Variants in SIVA1 observed in about 807,000 individuals in gnomAD.
The protein encoded by SIVA1 is SIVA1 apoptosis inducing factor.
In SIVA1, 10 loss-of-function variants were observed where a neutral mutation model predicts 19.7. That is an observed-to-expected ratio of 0.51 (90% CI 0.31 to 0.86). The LOEUF (loss-of-function observed/expected upper bound fraction) is 0.86. Among genes scored for constraint, SIVA1 ranks in the 40% least tolerant of loss-of-function variants. The probability of loss-of-function intolerance (pLI) is 0.04; values close to 1 mark genes in which losing one functional copy is unlikely to be tolerated. For synonymous variants in SIVA1, 130 were observed against 106.1 expected (o/e 1.23, Z -1.39); for missense variants, 241 against 245.2 (o/e 0.98, Z 0.11).
intron 1 of SIVA1, among the ~76,000 whole-genome samples, chr14:104,754,401 G>A (rs1260369944): frequency 1.3e-5 from 2 of 152,210 alleles, no homozygotes; most frequent in African/African-American, 4.8e-5. Flanking sequence ...GAGGTAAGGG[G>A]AATGATGCCG....
intron 3 of SIVA1, chr14:104,757,570 A>G (rs1048194568): frequency 6.1e-6 from 1 of 162,940 alleles, no homozygotes; most frequent in Admixed American, 6.3e-5. Flanking sequence ...ATCGGCTCCC[A>G]TGGCTTCAGC....
intron 2 of SIVA1, chr14:104,756,159 CTG>C (rs1414457965): frequency 2.1e-6 from 1 of 471,118 alleles, no homozygotes; most frequent in Non-Finnish European, 3.9e-6. Context: ...AGAGCATCAC[CTG>C]TGTTGCTGGT....
At chr14:104,758,766 C>T (rs1447691259) in intron 3 of SIVA1, 1 of 152,304 alleles carries the variant, frequency 6.6e-6, no homozygotes, top group African/African-American at 2.4e-5. Flanking sequence ...CTGAGGTAAG[C>T]CACACCATAC....
At position 104,759,610 on chromosome 14, in the gene SIVA1, T is replaced by A. The variant is rs572913554; in HGVS notation, c.*125T>A. The stretch of plus-strand genomic sequence containing the variant: ...GGAGGGGTGCCTTTTACATGTTCTA[T>A]TTTGTATCCTAATGACAGAATGAAT... On this transcript the variant is annotated 3_prime_UTR_variant, in exon 4 of 4. Transcript: ENST00000329967. This position sits in a 1 kb window ranked among gnomAD's most constrained non-coding sequence, Gnocchi z 4.2. 1.0e-5 allele frequency: 7 copies of A among 668,348 alleles called. No homozygotes were observed. Among genetic ancestry groups the A allele is most frequent in the Non-Finnish European group, 1.8e-5 (7 of 385,538 alleles). The allele number at this position is 668,348 out of a possible 1,614,324, so 41.4% of individuals were successfully genotyped here. A position where few individuals can be genotyped will look rare whatever the true frequency, so the allele number is the denominator to read the frequency against.
chr14:104,756,117 G>T, intron 2 of SIVA1: 1 of 552,914 alleles, frequency 1.8e-6, no homozygotes, highest in South Asian at 1.8e-5. Flanking sequence ...CTGGAAACAT[G>T]CCAGTCCCAT....
chr14:104,753,816 C>T (rs1891791963), intron 1 of SIVA1: 1 of 452,662 alleles, frequency 2.2e-6, no homozygotes, highest in Admixed American at 2.4e-5. Context: ...TGTGCCCCGT[C>T]TCCCGGGAGC....
Position 104,756,710 on chromosome 14 carries a change from C to T in SIVA1, c.420C>T (p.Arg140=), listed in dbSNP as rs770802541. 5.6e-6 allele frequency: 9 copies of T among 1,614,098 alleles called. No individual in the cohort carries two copies. Among genetic ancestry groups the T allele is most frequent in the East Asian group, 2.2e-5 (1 of 44,880 alleles). ...GAGCCCTGTGCGGGCAGTGTGTGCGCACCTGCTGGGGCTGCGGCTCCGTGG... is the reference window on the plus strand; with the variant it reads ...GAGCCCTGTGCGGGCAGTGTGTGCGTACCTGCTGGGGCTGCGGCTCCGTGG... ...CERALCGQCV[R]TCWGCGSVAC... The change falls in exon 3 of 4, where the codon CGC becomes CGT. Residue 140 remains arginine, a synonymous_variant. Transcript: ENST00000329967.
In SIVA1 at chr14:104,756,945, C is replaced by A; in HGVS notation, c.470+185C>A. ...TGGCCCAACTTTAGTGGTTAGTAAT[C>A]CTCTCTAAGGGAAAGCTGAACCTCA... On this transcript the variant is annotated intron_variant, in intron 3 of 3. Coordinates refer to ENST00000329967, the MANE Select transcript of SIVA1 (RefSeq NM_006427.4). 2.6e-5 allele frequency: 17 copies of A among 660,870 alleles called. No individual in the cohort carries two copies. The South Asian group carries it at 3.1e-4, about 12-fold the overall frequency. The allele number at this position is 660,870 out of a possible 1,614,324, so 40.9% of individuals were successfully genotyped here.
intron 1 of SIVA1, chr14:104,753,979 C>T: frequency 3.4e-6 from 1 of 297,044 alleles, no homozygotes; most frequent in Middle Eastern, 9.0e-4. Flanking sequence ...AGGAGTTAGC[C>T]AGGCAGAGGA....
Position 104,756,610 on chromosome 14 carries a change from C to G in SIVA1, c.320C>G (p.Ser107Cys), listed in dbSNP as rs1804801. ...TGGCGTTTCTTCCTCACAGACCCAT[C>G]TGGGGTAGCGTCCATTGCCTGTTCC... ...SLGQASEADP[S>C]GVASIACSSC... Residue 107 changes from serine to cysteine, a missense_variant, in exon 3 of 4, where the codon TCT becomes TGT. Physicochemically the swap from Ser to Cys is moderately radical, Grantham distance 112. Transcript: ENST00000329967. The G allele has an allele frequency of 6.2e-7, 1 of 1,614,196 alleles. No homozygotes were observed. Among genetic ancestry groups the G allele is most frequent in the East Asian group, 2.2e-5 (1 of 44,890 alleles).
chr14:104,755,848 G>T (rs774001495), intron 2 of SIVA1, 24 bp downstream of exon 2: 5 of 1,607,174 alleles, frequency 3.1e-6, no homozygotes, highest in East Asian at 4.5e-5. Context: ...GCAGCCCTTT[G>T]TGGCTGTGGC....
chr14:104,756,005 G>A (rs1252334480), intron 2 of SIVA1, 181 bp downstream of exon 2: 2 of 714,136 alleles, frequency 2.8e-6, no homozygotes, highest in African/African-American at 3.5e-5. Context: ...AAGACTGGAA[G>A]TTGTTAAACA....
chr14:104,755,197 A>T (rs899512421), intron 1 of SIVA1, among the ~76,000 whole-genome samples: 7 of 152,214 alleles, frequency 4.6e-5, no homozygotes, highest in Admixed American at 4.6e-4. Flanking sequence ...AGTTTTGTGA[A>T]TTAGTGCTCC....
intron 1 of SIVA1, among the ~76,000 whole-genome samples, chr14:104,755,097 A>G (rs1171479902): frequency 6.6e-6 from 1 of 152,190 alleles, no homozygotes; most frequent in Non-Finnish European, 1.5e-5. Context: ...TTGTCTTGCC[A>G]GCAACTCTGT....
At position 104,756,692 on chromosome 14, in the gene SIVA1, G is replaced by T; in HGVS notation, c.402G>T (p.Leu134=). The change falls in exon 3 of 4, where the codon CTG becomes CTT. Residue 134 remains leucine (L), a synonymous_variant. Coordinates refer to ENST00000329967, the MANE Select transcript of SIVA1 (RefSeq NM_006427.4). ...KAVCGQCERA[L]CGQCVRTCWG... is the part of the protein sequence containing the mutation. ...TCTGCGGTCAGTGTGAGCGAGCCCT[G>T]TGCGGGCAGTGTGTGCGCACCTGCT... 1 of 1,614,200 alleles carries T rather than the reference G, an allele frequency of 6.2e-7. No individual in the cohort carries two copies. The highest frequency in any genetic ancestry group is 8.5e-7 in the Non-Finnish European group (1 of 1,180,030).
At chr14:104,753,918 A>G (rs1348198816) in intron 1 of SIVA1, 1 of 352,110 alleles carries the variant, frequency 2.8e-6, no homozygotes, top group African/African-American at 2.1e-5. Flanking sequence ...CAGGGATGGC[A>G]CGGAAGGCTT....
At chr14:104,753,386 C>G in intron 1 of SIVA1, 67 bp downstream of exon 1, 4 of 1,102,492 alleles carry the variant, frequency 3.6e-6, no homozygotes, top group African/African-American at 1.6e-5. Flanking sequence ...GCCTCAGCGT[C>G]CCCTCTGAGG....
chr14:104,754,008 G>A (rs1157490014), intron 1 of SIVA1: 3 of 295,532 alleles, frequency 1.0e-5, no homozygotes, highest in Non-Finnish European at 2.1e-5. Flanking sequence ...AAGAGGGCGA[G>A]GCAGAAGCCA....
intron 3 of SIVA1, chr14:104,758,293 G>A: frequency 6.6e-6 from 1 of 152,594 alleles, no homozygotes; most frequent in Non-Finnish European, 1.5e-5. Flanking sequence ...GCGGTGAGGG[G>A]CTGTCTTCGC....
Sources: allele counts gnomAD v4.1 joint callset (sites outside exome capture counted in the v4.1 genomes callset), GRCh38; gene constraint gnomAD v4.1.1; non-coding constraint Gnocchi (gnomAD v3.1); transcripts MANE v1.5; gene names NCBI Gene and HGNC (gene_info 2026-07-23, HGNC 2026-07-21).